Variants in SENP6 observed in about 807,000 individuals in gnomAD.
SENP6 encodes the protein SUMO specific peptidase 6.
In SENP6, 41 loss-of-function variants were observed where a neutral mutation model predicts 134.5. That is an observed-to-expected ratio of 0.30 (90% confidence interval 0.24 to 0.40). The LOEUF (loss-of-function observed/expected upper bound fraction) is 0.40. Among genes scored for constraint, SENP6 ranks in the 10% least tolerant of loss-of-function variants. SENP6 has a pLI of 1.00. For synonymous variants in SENP6, 395 were observed against 429.8 expected (o/e 0.92, Z 1.00); for missense variants, 1,248 against 1,312.5 (o/e 0.95, Z 0.76).
At chr6:75,649,476 T>G (rs759326562) in intron 7 of SENP6, among the ~76,000 whole-genome samples, 1 of 152,158 alleles carries the variant, frequency 6.6e-6, no homozygotes, top group Non-Finnish European at 1.5e-5. Flanking sequence ...AAAAAGAGCA[T>G]GCTTATTTAC....
At chr6:75,680,925 A>G (rs1011235988) in intron 16 of SENP6, among the ~76,000 whole-genome samples, 2 of 152,220 alleles carry the variant, frequency 1.3e-5, no homozygotes, top group African/African-American at 4.8e-5. Flanking sequence ...ATATTGCTCT[A>G]CATAGTTGCC....
rs543758421 is a variant in SENP6, at chr6:75,608,958, T to C, written c.52+6382T>C. Among the ~76,000 whole-genome samples, 50 of 152,372 alleles carry C rather than the reference T, an allele frequency of 3.3e-4. 2 individuals are homozygous for C. The South Asian group carries it at 9.9e-3, about 30-fold the overall frequency. On this transcript the variant is annotated intron_variant, in intron 1 of 23. Transcript: ENST00000447266. ...TTCACTGACTACCTTTTTCTAGATATTAGCTGATTTTGACCAGTGTTGTAA... is the reference window on the plus strand; with the variant it reads ...TTCACTGACTACCTTTTTCTAGATACTAGCTGATTTTGACCAGTGTTGTAA...
chr6:75,669,606 A>G (rs1436583535), intron 10 of SENP6, among the ~76,000 whole-genome samples: 1 of 152,216 alleles, frequency 6.6e-6, no homozygotes, highest in African/African-American at 2.4e-5. Context: ...TTAAAATTAC[A>G]TACCTATATG....
rs1771517503 is a variant in SENP6 at position 75,658,544 on chromosome 6, C to T, written c.551-718C>T. Among the ~76,000 whole-genome samples the T allele has an allele frequency of 2.0e-5, 3 of 151,922 alleles. No homozygotes were observed. In the South Asian group the frequency reaches 6.2e-4, roughly 32 times the overall value. On this transcript the variant is annotated intron_variant, in intron 7 of 23. Coordinates refer to ENST00000447266, the MANE Select transcript of SENP6 (RefSeq NM_015571.4). ...AGATTATGGTAAATTTTAAATTGGC[C>T]TGTTTTGGAGTTCATCAAATCATTT... is the stretch of plus-strand genomic sequence containing the variant.
intron 1 of SENP6, among the ~76,000 whole-genome samples, chr6:75,612,610 G>T (rs1023688845): frequency 6.6e-6 from 1 of 152,154 alleles, no homozygotes; most frequent in Admixed American, 6.5e-5. Flanking sequence ...GATTATAGGT[G>T]TGAGCTGTCT....
At chr6:75,624,158 C>T in intron 3 of SENP6, among the ~76,000 whole-genome samples, 198 bp downstream of exon 3, 1 of 152,118 alleles carries the variant, frequency 6.6e-6, no homozygotes, top group Non-Finnish European at 1.5e-5. Flanking sequence ...TTCCACCTCC[C>T]ATGTTACACA....
intron 9 of SENP6, among the ~76,000 whole-genome samples, chr6:75,665,061 C>T (rs1313268866): frequency 6.6e-6 from 1 of 151,952 alleles, no homozygotes; most frequent in African/African-American, 2.4e-5. Flanking sequence ...CTGAGGCGGG[C>T]GGATCACGAG....
At position 75,702,678 on chromosome 6, in the gene SENP6, C is replaced by T. The variant is rs370244586; in HGVS notation, c.2322C>T (p.Pro774=). 1.2e-5 allele frequency: 19 copies of T among 1,598,866 alleles called. No homozygotes were observed. Among genetic ancestry groups the T allele is most frequent in the African/African-American group, 8.1e-5 (6 of 74,310 alleles). The change falls in exon 19 of 24, where the codon CCC becomes CCT. Residue 774 remains proline, a synonymous_variant. Transcript: ENST00000447266. ...GGTTTTTGGCTGTTGTTTGTTTCCC[C>T]GGTTTGGAAAAACCAAAGTATGAAC... ...AHWFLAVVCF[P]GLEKPKYEPN...
intron 16 of SENP6, among the ~76,000 whole-genome samples, chr6:75,693,255 A>G (rs1412171139): frequency 1.3e-5 from 2 of 151,918 alleles, no homozygotes; most frequent in Admixed American, 6.6e-5. Context: ...AAATACAGAA[A>G]TTAGCTGGGT....
At chr6:75,645,074 G>A (rs923646678) in intron 6 of SENP6, among the ~76,000 whole-genome samples, 1 of 152,138 alleles carries the variant, frequency 6.6e-6, no homozygotes, top group East Asian at 1.9e-4. Context: ...ATTTTAAACA[G>A]CTTGTAAAAA....
intron 18 of SENP6, among the ~76,000 whole-genome samples, chr6:75,702,227 T>C (rs1194555117): frequency 6.6e-6 from 1 of 151,090 alleles, no homozygotes; most frequent in Non-Finnish European, 1.5e-5. Context: ...GCTTTTTTTT[T>C]TTTTTTGAGA....
chr6:75,675,681 A>T, intron 12 of SENP6, 179 bp from the exon 13 acceptor site: 1 of 794,052 alleles, frequency 1.3e-6, no homozygotes, highest in Non-Finnish European at 2.0e-6. Context: ...TGGAAAAAAT[A>T]AAAAAGTTTC....
chr6:75,635,821 A>G (rs937134409), intron 5 of SENP6, among the ~76,000 whole-genome samples: 7 of 152,146 alleles, frequency 4.6e-5, no homozygotes, highest in Non-Finnish European at 8.8e-5. Context: ...AAGAGTAGAC[A>G]CATTCTTATG....
At chr6:75,682,604 A>G (rs760883423) in intron 16 of SENP6, among the ~76,000 whole-genome samples, 1 of 151,916 alleles carries the variant, frequency 6.6e-6, no homozygotes, top group Non-Finnish European at 1.5e-5. Flanking sequence ...CCCGCCCTGT[A>G]TCCAAGTGAT....
chr6:75,618,761 G>T (rs545018782), intron 1 of SENP6, among the ~76,000 whole-genome samples: 2 of 152,286 alleles, frequency 1.3e-5, no homozygotes, highest in East Asian at 1.9e-4. Flanking sequence ...GGTTCATTCT[G>T]TCTTTCCTCT....
intron 10 of SENP6, 88 bp from the exon 11 acceptor site, chr6:75,670,465 C>A: frequency 1.2e-6 from 1 of 835,588 alleles, no homozygotes; most frequent in Non-Finnish European, 1.8e-6. Context: ...ATTTACATTT[C>A]TTATATTGGG....
intron 1 of SENP6, among the ~76,000 whole-genome samples, chr6:75,607,847 C>A (rs1442335027): frequency 2.0e-5 from 3 of 152,154 alleles, no homozygotes; most frequent in African/African-American, 4.8e-5. Flanking sequence ...CATTGCAGAA[C>A]CCAATCAGTT....
In SENP6 at chr6:75,711,432, GTATC is replaced by G. The variant is rs1435393546; in HGVS notation, c.2909+18_2909+21del. 2 of 1,513,178 alleles carry G rather than the reference GTATC, an allele frequency of 1.3e-6. No homozygotes were observed. The highest frequency in any genetic ancestry group is 2.8e-5 in the African/African-American group (2 of 72,376). The allele number at this position is 1,513,178 out of a possible 1,614,324, so 93.7% of individuals were successfully genotyped here. On this transcript the variant is annotated intron_variant, in intron 21 of 23. Transcript: ENST00000447266. Reference sequence around the variant, plus strand: ...TCTGTAAACAGTAAGCATTAACTGTGTATCTTGAAAACTACATAATTTTTAAGTA... The same window carrying G: ...TCTGTAAACAGTAAGCATTAACTGTGTTGAAAACTACATAATTTTTAAGTA...
At chr6:75,656,441 G>C (rs182888778) in intron 7 of SENP6, among the ~76,000 whole-genome samples, 2 of 152,166 alleles carry the variant, frequency 1.3e-5, no homozygotes, top group East Asian at 3.9e-4. Context: ...TCACTTCTGT[G>C]ATCAGTTAGC....
Sources: allele counts gnomAD v4.1 joint callset (sites outside exome capture counted in the v4.1 genomes callset), GRCh38; gene constraint gnomAD v4.1.1; transcripts MANE v1.5; gene names NCBI Gene and HGNC (gene_info 2026-07-23, HGNC 2026-07-21).